The following EXOC6B variants were observed in gnomAD, a reference collection of about 807,000 sequenced individuals.
The protein encoded by EXOC6B is exocyst complex component 6B.
EXOC6B carries 54 observed loss-of-function variants against 113.5 expected under a neutral mutation model. The ratio of observed to expected loss-of-function variants is 0.48; its 90% CI spans 0.38 to 0.60. The LOEUF (loss-of-function observed/expected upper bound fraction) is 0.60, where lower values mean the gene tolerates loss of function less well. Ranked by LOEUF, EXOC6B falls within the 20% of genes least tolerant of loss-of-function variation. The pLI is 0.00. For synonymous variants in EXOC6B, 357 were observed against 339.0 expected, an observed-to-expected ratio of 1.05 and a Z score of -0.58; for missense variants, 797 against 977.5, an observed-to-expected ratio of 0.82 and a Z score of 2.46.
chr2:72,293,654 G>T (rs1685946058), intron 20 of EXOC6B, among the ~76,000 whole-genome samples: 1 of 152,138 alleles, frequency 6.6e-6, no homozygotes, highest in African/African-American at 2.4e-5. Flanking sequence ...TTTTGGCTTA[G>T]AAATAAACAC....
intron 18 of EXOC6B, among the ~76,000 whole-genome samples, chr2:72,452,882 C>A (rs1416427581): frequency 6.6e-6 from 1 of 152,140 alleles, no homozygotes; most frequent in African/African-American, 2.4e-5. Context: ...TCCACTGCTG[C>A]TCTTCTTTAT....
intron 7 of EXOC6B, among the ~76,000 whole-genome samples, chr2:72,568,970 A>G (rs570167318): frequency 2.2e-4 from 33 of 152,196 alleles, no homozygotes; most frequent in African/African-American, 7.0e-4. Flanking sequence ...AAAAAAAAAA[A>G]AAAGAAAAAA....
intron 15 of EXOC6B, among the ~76,000 whole-genome samples, chr2:72,494,348 G>A (rs1699921026): frequency 6.6e-6 from 1 of 151,982 alleles, no homozygotes; most frequent in African/African-American, 2.4e-5. Flanking sequence ...GGCAGGTGGG[G>A]GATGGAAACC....
At chr2:72,204,513 TC>T (rs1317071048) in intron 20 of EXOC6B, among the ~76,000 whole-genome samples, 1 of 151,412 alleles carries the variant, frequency 6.6e-6, no homozygotes, top group East Asian at 1.9e-4. Context: ...AGTTACATTT[TC>T]TCTTTGTTTA....
chr2:72,393,287 G>A (rs558919365), intron 18 of EXOC6B, among the ~76,000 whole-genome samples: 1 of 151,866 alleles, frequency 6.6e-6, no homozygotes, highest in East Asian at 1.9e-4. Context: ...GTAGTGATGG[G>A]GTTTCACCAT....
chr2:72,472,442 A>G (rs1441604975), intron 17 of EXOC6B, among the ~76,000 whole-genome samples: 1 of 152,152 alleles, frequency 6.6e-6, no homozygotes, highest in Non-Finnish European at 1.5e-5. Flanking sequence ...AGTAGGTTGT[A>G]CATTTCCAAG....
intron 6 of EXOC6B, among the ~76,000 whole-genome samples, chr2:72,648,693 T>C (rs1673929658): frequency 6.6e-6 from 1 of 152,180 alleles, no homozygotes; most frequent in Non-Finnish European, 1.5e-5. Context: ...ATGTGGTACA[T>C]ATACAGAATG....
chr2:72,539,604 A>T (rs1702477143), intron 8 of EXOC6B, among the ~76,000 whole-genome samples: 1 of 152,122 alleles, frequency 6.6e-6, no homozygotes, highest in Admixed American at 6.6e-5. Context: ...TTTCCTTGTT[A>T]CATTAATCAC....
chr2:72,616,266 G>GA (rs988275739), intron 6 of EXOC6B, among the ~76,000 whole-genome samples: 8 of 150,804 alleles, frequency 5.3e-5, no homozygotes, highest in East Asian at 3.9e-4. Flanking sequence ...CACAAAAATA[G>GA]AAAAAAAAAT....
intron 1 of EXOC6B, among the ~76,000 whole-genome samples, chr2:72,778,748 C>T (rs970211603): frequency 3.3e-5 from 5 of 152,116 alleles, no homozygotes; most frequent in African/African-American, 1.2e-4. Flanking sequence ...GACTTCACTC[C>T]TTTGGGGTAA....
chr2:72,703,873 G>A (rs1271770678), intron 6 of EXOC6B, among the ~76,000 whole-genome samples: 2 of 148,942 alleles, frequency 1.3e-5, no homozygotes, highest in Non-Finnish European at 3.0e-5. Flanking sequence ...CTGCAAACAG[G>A]GACAATTTGA....
intron 8 of EXOC6B, among the ~76,000 whole-genome samples, chr2:72,531,161 C>T (rs1310774612): frequency 6.6e-6 from 1 of 151,978 alleles, no homozygotes; most frequent in Non-Finnish European, 1.5e-5. Flanking sequence ...TCTTGCCTTC[C>T]TATGGGTTCC....
At chr2:72,704,088 C>T (rs1678651500) in intron 6 of EXOC6B, among the ~76,000 whole-genome samples, 1 of 150,304 alleles carries the variant, frequency 6.7e-6, no homozygotes, top group Admixed American at 6.6e-5. Context: ...TAAAGCTCTC[C>T]TCAGCAAATG....
intron 8 of EXOC6B, among the ~76,000 whole-genome samples, chr2:72,549,200 A>G (rs1703074575): frequency 1.3e-5 from 2 of 152,152 alleles, no homozygotes; most frequent in South Asian, 4.1e-4. Context: ...TATATACTAT[A>G]TTGTATTCTA....
chr2:72,678,482 G>A (rs1432465304), intron 6 of EXOC6B, among the ~76,000 whole-genome samples: 4 of 152,136 alleles, frequency 2.6e-5, no homozygotes, highest in East Asian at 1.9e-4. Context: ...CAAGGTGAGC[G>A]GATCACTTGA....
chr2:72,310,027 C>G lies in EXOC6B; in HGVS notation c.2196+24920G>C, dbSNP rs115061863. ...TAGAGATGTTCCACATTATGTTTAT[C>G]CATTCATCAGTTGATAGACATCTGG... On this transcript the variant is annotated intron_variant, in intron 20 of 21. Transcript: ENST00000272427. Among the ~76,000 whole-genome samples the G allele has an allele frequency of 2.5e-3, 376 of 152,214 alleles. 3 individuals carry two copies. The highest frequency in any genetic ancestry group is 7.8e-3 in the African/African-American group (324 of 41,544).
rs545393241 is a variant in EXOC6B at position 72,225,695 on chromosome 2, AC to A, written c.2197-41509del. ...CTTGGTATAGGGAGATGATAAGGAA[AC>A]CTTTTTATCATGGCATACTAAAGTA... On this transcript the variant is annotated intron_variant, in intron 20 of 21. Transcript: ENST00000272427. 2.6e-5 allele frequency among the ~76,000 whole-genome samples: 4 copies of A among 152,224 alleles called. No homozygotes were observed. In the South Asian group the frequency reaches 8.3e-4, roughly 32 times the overall value.
At chr2:72,516,579 T>C (rs1260206058) in intron 8 of EXOC6B, among the ~76,000 whole-genome samples, 1 of 152,070 alleles carries the variant, frequency 6.6e-6, no homozygotes, top group African/African-American at 2.4e-5. Flanking sequence ...TCTAAATAAA[T>C]AAGAGTAAAA....
At chr2:72,677,958 T>C (rs1676429052) in intron 6 of EXOC6B, among the ~76,000 whole-genome samples, 1 of 152,230 alleles carries the variant, frequency 6.6e-6, no homozygotes, top group Non-Finnish European at 1.5e-5. Context: ...TCAAAGACTC[T>C]TTTAGTGACA....
Sources: gnomAD v4.1 joint callset for allele counts (sites outside exome capture counted in the v4.1 genomes callset) on GRCh38, gnomAD v4.1.1 for gene constraint, MANE v1.5 for transcripts, NCBI Gene and HGNC (gene_info 2026-07-23, HGNC 2026-07-21) for gene names.